The following ZBTB32 variants were observed in gnomAD, a reference collection of about 807,000 sequenced individuals.
ZBTB32 encodes the protein zinc finger and BTB domain-containing protein 32.
A neutral mutation model predicts 45.3 loss-of-function variants in ZBTB32; 28 were observed. The observed-to-expected ratio is 0.62, with a 90% CI of 0.46 to 0.85. The LOEUF (loss-of-function observed/expected upper bound fraction) is 0.85, where lower values mean the gene tolerates loss of function less well. Ranked by LOEUF, ZBTB32 falls within the 40% of genes least tolerant of loss-of-function variation. The pLI, the probability that ZBTB32 is intolerant of heterozygous loss-of-function variation, is 0.00. For synonymous variants in ZBTB32, 283 were observed against 255.7 expected (o/e 1.11, Z -1.02); for missense variants, 587 against 624.4 (o/e 0.94, Z 0.64).
chr19:35,704,754 G>T (rs1234564225), intron 1 of ZBTB32, 131 bp downstream of exon 1: 1 of 152,316 alleles, frequency 6.6e-6, no homozygotes, highest in Non-Finnish European at 1.5e-5. Flanking sequence ...AGCCCTTGGG[G>T]CTTTCCTCTG....
At position 35,714,958 on chromosome 19, in the gene ZBTB32, G is replaced by A. The variant is rs1305592368; in HGVS notation, c.332G>A (p.Arg111Lys). The A allele has an allele frequency of 1.3e-6, 2 of 1,589,188 alleles. No homozygotes were observed. The highest frequency in any genetic ancestry group is 1.4e-5 in the African/African-American group (1 of 73,742). The change falls in exon 3 of 7, where the codon AGG (arginine) becomes AAG (lysine). Residue 111 changes from arginine (R) to lysine (K), a missense_variant. Arg to Lys is a conservative substitution (Grantham distance 26). Transcript: ENST00000392197. Reference protein sequence around the residue: ...GVQSLEEACWRARGDRAKKPD... With the variant: ...GVQSLEEACWKARGDRAKKPD... ...CAGTCCCTGGAAGAGGCATGCTGGA[G>A]GGCTCGAGGGGACAGGGCTAAAAAG...
chr19:35,715,494 T>G lies in ZBTB32; in HGVS notation c.868T>G (p.Trp290Gly). ...TPTTGAWQEVWREQRIPLSLN... is the reference protein window; with the variant it reads ...TPTTGAWQEVGREQRIPLSLN... ...CACCACTGGAGCCTGGCAGGAGGTC[T>G]GGCGGGAACAGAGGTGAGTGGCGGG... Residue 290 changes from tryptophan (W) to glycine (G), a missense_variant, in exon 3 of 7, where the codon TGG (tryptophan) becomes GGG (glycine). Transcript: ENST00000392197. The G allele has an allele frequency of 6.5e-7, 1 of 1,545,864 alleles. No homozygotes were observed. The highest frequency in any genetic ancestry group is 8.7e-7 in the Non-Finnish European group (1 of 1,148,298).
chr19:35,706,866 C>A (rs1326085704), intron 1 of ZBTB32, among the ~76,000 whole-genome samples: 1 of 152,148 alleles, frequency 6.6e-6, no homozygotes, highest in Non-Finnish European at 1.5e-5. Context: ...CTTCAGTACA[C>A]CCAGAGTTCT....
chr19:35,716,614 C>T lies in ZBTB32; in HGVS notation c.1326C>T (p.Ser442=). The change falls in exon 7 of 7, where the codon TCC becomes TCT. Residue 442 remains serine, a synonymous_variant. Coordinates refer to ENST00000392197, the MANE Select transcript of ZBTB32 (RefSeq NM_014383.3). The part of the protein sequence containing the change: ...LCGAGCPSLA[S]MQAHMRGHSP... ...GGGCCGGCTGTCCCAGCCTGGCCTC[C>T]ATGCAGGCGCACATGCGCGGTCACT... is the stretch of plus-strand genomic sequence containing the variant. The T allele has an allele frequency of 6.2e-7, 1 of 1,613,524 alleles. No homozygotes were observed. The highest frequency in any genetic ancestry group is 8.5e-7 in the Non-Finnish European group (1 of 1,179,952).
intron 1 of ZBTB32, among the ~76,000 whole-genome samples, chr19:35,705,023 G>T (rs1045110161): frequency 6.6e-6 from 1 of 152,154 alleles, no homozygotes; most frequent in Non-Finnish European, 1.5e-5. Context: ...GGTTATGCAG[G>T]GGCTGGGCGC....
rs774932862 is a variant in ZBTB32 at position 35,716,584 on chromosome 19, G to C, written c.1296G>C (p.Leu432=). The change falls in exon 7 of 7, where the codon CTG becomes CTC. Residue 432 remains leucine, a synonymous_variant. Transcript: ENST00000392197. ...GGGCCGCTCCGTACCGCTGCTCCCT[G>C]TGCGGGGCCGGCTGTCCCAGCCTGG... is the stretch of plus-strand genomic sequence containing the variant. ...THGAAPYRCS[L]CGAGCPSLAS... is the part of the protein sequence containing the mutation. 6 of 1,613,192 alleles carry C rather than the reference G, an allele frequency of 3.7e-6. No individual in the cohort carries two copies. Among genetic ancestry groups the C allele is most frequent in the Non-Finnish European group, 5.1e-6 (6 of 1,179,922 alleles).
chr19:35,711,144 C>A (rs1968681566), intron 1 of ZBTB32, among the ~76,000 whole-genome samples: 2 of 152,150 alleles, frequency 1.3e-5, no homozygotes, highest in South Asian at 2.1e-4. Context: ...AATGAGCAAA[C>A]CAGCGGGGGA....
Position 35,708,912 on chromosome 19 carries a change from G to A in ZBTB32, c.-221-4005G>A, listed in dbSNP as rs143511896. ...CGGCTCACCGCAACCTCCACCTCCC[G>A]GGTTGAAGCGATTCTCCTGCCTCAG... On this transcript the variant is annotated intron_variant, in intron 1 of 6. Coordinates refer to ENST00000392197, the MANE Select transcript of ZBTB32 (RefSeq NM_014383.3). Among the ~76,000 whole-genome samples, 698 of 150,846 alleles carry A rather than the reference G, an allele frequency of 4.6e-3. 3 individuals are homozygous for A. Among genetic ancestry groups the A allele is most frequent in the Non-Finnish European group, 7.1e-3 (483 of 67,832 alleles).
intron 1 of ZBTB32, among the ~76,000 whole-genome samples, chr19:35,712,566 C>T (rs2146415644): frequency 6.6e-6 from 1 of 152,332 alleles, no homozygotes. Flanking sequence ...CCCATCCCTT[C>T]CCCAGATTAA....
chr19:35,705,237 G>T (rs560731400), intron 1 of ZBTB32, among the ~76,000 whole-genome samples: 2 of 152,006 alleles, frequency 1.3e-5, no homozygotes, highest in Non-Finnish European at 2.9e-5. Context: ...TGAACTCATT[G>T]AACTCAGGAG....
chr19:35,716,941 A>C lies in ZBTB32; in HGVS notation c.*189A>C. The C allele has an allele frequency of 1.6e-6, 1 of 638,782 alleles. No individual in the cohort carries two copies. 39.6% of individuals were successfully genotyped at this position (638,782 alleles called of 1,614,324 possible). ...AGAAGCCCAGGCCAGCGAGCCCTAC[A>C]GAGTGAGGACACTGAAGTGTGCAGG... On this transcript the variant is annotated 3_prime_UTR_variant, in exon 7 of 7. Coordinates refer to ENST00000392197, the MANE Select transcript of ZBTB32 (RefSeq NM_014383.3).
At position 35,714,653 on chromosome 19, in the gene ZBTB32, C is replaced by T. The variant is rs1301078547; in HGVS notation, c.27C>T (p.Pro9=). The T allele has an allele frequency of 2.5e-6, 4 of 1,573,338 alleles. No homozygotes were observed. The highest frequency in any genetic ancestry group is 3.5e-6 in the Non-Finnish European group (4 of 1,156,064). MSLPPIRL[P]SPYGSDRLVQ... is the part of the protein sequence containing the mutation. ...TGTCCCTGCCCCCCATAAGACTGCCCAGCCCCTATGGCTCTGATCGGCTGG... is the reference window on the plus strand; with the variant it reads ...TGTCCCTGCCCCCCATAAGACTGCCTAGCCCCTATGGCTCTGATCGGCTGG... Residue 9 remains proline (P), a synonymous_variant, in exon 3 of 7, where the codon CCC becomes CCT. Transcript: ENST00000392197.
Position 35,715,989 on chromosome 19 carries a change from T to G in ZBTB32, c.1006T>G (p.Ser336Ala). ...GCTCAGCCCTGGGGAGATGGAAGAG[T>G]CTGATCAGGGGCACACAGGTGAGTC... ...AQLSPGEMEE[S>A]DQGHTGALAT... The change falls in exon 5 of 7, where the codon TCT (serine) becomes GCT (alanine). Residue 336 changes from serine (S) to alanine (A), a missense_variant. Coordinates refer to ENST00000392197, the MANE Select transcript of ZBTB32 (RefSeq NM_014383.3). The G allele has an allele frequency of 1.2e-6, 2 of 1,612,590 alleles. No individual in the cohort carries two copies. The highest frequency in any genetic ancestry group is 1.7e-6 in the Non-Finnish European group (2 of 1,179,882).
chr19:35,714,904 T>G lies in ZBTB32; in HGVS notation c.278T>G (p.Leu93Arg). Residue 93 changes from leucine to arginine, a missense_variant, in exon 3 of 7, where the codon CTT (leucine) becomes CGT (arginine). Leu to Arg is a moderately radical substitution (Grantham distance 102). Coordinates refer to ENST00000392197, the MANE Select transcript of ZBTB32 (RefSeq NM_014383.3). ...CTGCAGCCTGGAGAGCTAAGGCCCCTTCAGGAGGCGGCCAGGGCCTTGGGA... is the reference window on the plus strand; with the variant it reads ...CTGCAGCCTGGAGAGCTAAGGCCCCGTCAGGAGGCGGCCAGGGCCTTGGGA... Reference protein sequence around the residue: ...VELQPGELRPLQEAARALGVQ... With the variant: ...VELQPGELRPRQEAARALGVQ... 1 of 1,578,774 alleles carries G rather than the reference T, an allele frequency of 6.3e-7. No individual in the cohort carries two copies. Among genetic ancestry groups the G allele is most frequent in the South Asian group, 1.2e-5 (1 of 86,344 alleles).
In ZBTB32 at chr19:35,715,859, T is replaced by C. The variant is rs776639941; in HGVS notation, c.955+29T>C. The C allele has an allele frequency of 1.9e-6, 3 of 1,610,968 alleles. No individual in the cohort carries two copies. In the South Asian group the frequency reaches 3.3e-5, roughly 18 times the overall value. On this transcript the variant is annotated intron_variant, in intron 4 of 6. Transcript: ENST00000392197. ...AGCCCCTCGCTGTCCTGCATACACC[T>C]GTAACATGGTGTCTTCTCTGGGCTG...
At chr19:35,716,389 C>T in intron 6 of ZBTB32, 89 bp from the exon 7 acceptor site, 2 of 1,590,642 alleles carry the variant, frequency 1.3e-6, no homozygotes, top group African/African-American at 1.3e-5. Flanking sequence ...GCGCAATCCC[C>T]TAGCCCCGTG....
chr19:35,710,494 G>A (rs1420995176), intron 1 of ZBTB32, among the ~76,000 whole-genome samples: 1 of 152,158 alleles, frequency 6.6e-6, no homozygotes, highest in Non-Finnish European at 1.5e-5. Context: ...CAACAGACCA[G>A]GCATGGTGGC....
chr19:35,705,955 G>A (rs537619336), intron 1 of ZBTB32, among the ~76,000 whole-genome samples: 29 of 149,926 alleles, frequency 1.9e-4, no homozygotes, highest in South Asian at 1.1e-3. Context: ...AGGGCCAGGC[G>A]TGGGGGCTCA....
rs1443393388 is a variant in ZBTB32, at chr19:35,716,716, G to A, written c.1428G>A (p.Ser476=). 10 of 1,613,490 alleles carry A rather than the reference G, an allele frequency of 6.2e-6. No individual in the cohort carries two copies. In the Admixed American group the frequency reaches 8.3e-5, roughly 13 times the overall value. ...CCTCCTCGAGGCCGTCTCGGCCCTC[G>A]ACCTCTCCCTGTTGTCCTTCTTCCT... ...LYSSSRPSRP[S]TSPCCPSSST... The change falls in exon 7 of 7, where the codon TCG becomes TCA. Residue 476 remains serine (S), a synonymous_variant. Coordinates refer to ENST00000392197, the MANE Select transcript of ZBTB32 (RefSeq NM_014383.3).
Sources: gnomAD v4.1 joint callset for allele counts (sites outside exome capture counted in the v4.1 genomes callset) on GRCh38, gnomAD v4.1.1 for gene constraint, MANE v1.5 for transcripts, NCBI Gene and HGNC (gene_info 2026-07-23, HGNC 2026-07-21) for gene names.